GRIN2B: variants seen among roughly 807,000 people sequenced by gnomAD.
GRIN2B encodes glutamate ionotropic receptor NMDA type subunit 2B.
A neutral mutation model predicts 114.5 loss-of-function variants in GRIN2B; 5 were observed. The ratio of observed to expected loss-of-function variants is 0.04; its 90% CI spans 0.02 to 0.09. The LOEUF (loss-of-function observed/expected upper bound fraction) is 0.09, where lower values mean the gene tolerates loss of function less well. GRIN2B is among the 10% of genes least tolerant of loss of function. The pLI, the probability that GRIN2B is intolerant of heterozygous loss-of-function variation, is 1.00. For missense variants in GRIN2B, 1,108 were observed against 1,943.5 expected (o/e 0.57, Z 8.08); for synonymous variants, 787 against 745.1 (o/e 1.06, Z -0.92).
intron 4 of GRIN2B, among the ~76,000 whole-genome samples, chr12:13,736,683 C>A (rs1036892547): frequency 6.6e-6 from 1 of 152,122 alleles, no homozygotes; most frequent in Non-Finnish European, 1.5e-5. Context: ...TAGCTGCCTA[C>A]GTAAGATATT....
intron 3 of GRIN2B, among the ~76,000 whole-genome samples, chr12:13,784,848 G>A (rs1396649310): frequency 6.6e-6 from 1 of 152,204 alleles, no homozygotes; most frequent in Non-Finnish European, 1.5e-5. Context: ...GAGCAAAGAA[G>A]CCTACCAACC....
intron 4 of GRIN2B, among the ~76,000 whole-genome samples, chr12:13,749,910 G>C (rs1162465131): frequency 1.8e-4 from 28 of 152,168 alleles, no homozygotes; most frequent in Admixed American, 1.7e-3. Context: ...AGATGTATTT[G>C]GATGGAGAGG....
intron 3 of GRIN2B, among the ~76,000 whole-genome samples, chr12:13,839,408 C>G (rs1865341605): frequency 6.6e-6 from 1 of 152,150 alleles, no homozygotes; most frequent in Non-Finnish European, 1.5e-5. Flanking sequence ...GAAAGTGGTT[C>G]AATCAGTGAA....
chr12:13,572,211 C>T (rs2136416410), intron 10 of GRIN2B, among the ~76,000 whole-genome samples: 1 of 152,310 alleles, frequency 6.6e-6, no homozygotes, highest in South Asian at 2.1e-4. Flanking sequence ...TTGCCCAACC[C>T]TGACTTTAAT....
intron 2 of GRIN2B, among the ~76,000 whole-genome samples, chr12:13,972,413 ACTCCTAAGACCACCAC>A (rs6144621): frequency 0.21 from 32,066 of 151,768 alleles, 4,437 homozygotes; most frequent in Non-Finnish European, 0.3. Context: ...TAAGCTTCTG[ACTCCTAAGACCACCAC>A]CTCCTAAGAC....
chr12:13,808,972 C>T (rs905981895), intron 3 of GRIN2B, among the ~76,000 whole-genome samples: 9 of 151,928 alleles, frequency 5.9e-5, no homozygotes, highest in Non-Finnish European at 8.8e-5. Context: ...AGCAAAGAAA[C>T]GTAACCAGAG....
At chr12:13,758,998 A>AGTTTTTTTTTTTTTTTTTTTTTTTT (rs771891565) in intron 3 of GRIN2B, among the ~76,000 whole-genome samples, 3 of 85,598 alleles carry the variant, frequency 3.5e-5, no homozygotes, top group African/African-American at 4.9e-5. Flanking sequence ...ATCTAGTTCA[A>AGTTTTTTTTTTTTTTTTTTTTTTTT]TTTTTTTTTT....
At chr12:13,674,802 T>C (rs1452388131) in intron 5 of GRIN2B, among the ~76,000 whole-genome samples, 1 of 152,148 alleles carries the variant, frequency 6.6e-6, no homozygotes, top group Non-Finnish European at 1.5e-5. Context: ...GGAAATTCCA[T>C]TCTAAATAAA....
intron 2 of GRIN2B, among the ~76,000 whole-genome samples, chr12:13,943,622 C>T (rs1054368981): frequency 6.6e-6 from 1 of 152,186 alleles, no homozygotes. Flanking sequence ...TACATTTCTA[C>T]TCCAAGGTCT....
intron 3 of GRIN2B, among the ~76,000 whole-genome samples, chr12:13,837,460 G>A (rs1865293440): frequency 6.6e-6 from 1 of 152,180 alleles, no homozygotes; most frequent in Admixed American, 6.5e-5. Context: ...TGGCCCATTT[G>A]CAGGCTGGCA....
chr12:13,689,882 C>A (rs1371200589), intron 4 of GRIN2B, among the ~76,000 whole-genome samples: 2 of 152,148 alleles, frequency 1.3e-5, no homozygotes, highest in Non-Finnish European at 2.9e-5. Context: ...CATAATCCAA[C>A]TCTTGCTCAT....
intron 5 of GRIN2B, among the ~76,000 whole-genome samples, chr12:13,647,180 G>C (rs977425826): frequency 1.3e-5 from 2 of 152,100 alleles, no homozygotes; most frequent in African/African-American, 4.8e-5. Context: ...CCCAGAAACT[G>C]TGATATAAGA....
chr12:13,963,354 G>A (rs1267161060), intron 2 of GRIN2B, among the ~76,000 whole-genome samples: 1 of 152,110 alleles, frequency 6.6e-6, no homozygotes, highest in Non-Finnish European at 1.5e-5. Flanking sequence ...AACGCACCCA[G>A]CTTCTGCAAT....
At chr12:13,865,019 T>A (rs1865804952) in intron 3 of GRIN2B, among the ~76,000 whole-genome samples, 1 of 152,206 alleles carries the variant, frequency 6.6e-6, no homozygotes, top group Non-Finnish European at 1.5e-5. Flanking sequence ...GATGTGCAGA[T>A]CAATATGTGT....
At chr12:13,847,408 T>C in intron 3 of GRIN2B, among the ~76,000 whole-genome samples, 1 of 152,056 alleles carries the variant, frequency 6.6e-6, no homozygotes, top group Non-Finnish European at 1.5e-5. Flanking sequence ...TGCTAAGTTC[T>C]AACCAACTGA....
At position 13,942,763 on chromosome 12, in the gene GRIN2B, G is replaced by C. The variant is rs550020909; in HGVS notation, c.-19+37165C>G. 2.0e-4 allele frequency among the ~76,000 whole-genome samples: 30 copies of C among 152,206 alleles called. 2 individuals are homozygous for C. The South Asian group carries it at 6.2e-3, about 32-fold the overall frequency. ...TTAGAATACAGTATCTTTCAGTAGA[G>C]ACAATAATCACTTTGAAGGATTCTC... On this transcript the variant is annotated intron_variant, in intron 2 of 13. Transcript: ENST00000609686.
At chr12:13,573,511 A>G (rs561511382) in intron 10 of GRIN2B, among the ~76,000 whole-genome samples, 1 of 136,200 alleles carries the variant, frequency 7.3e-6, no homozygotes, top group African/African-American at 2.8e-5. Flanking sequence ...ATGTTCTCTT[A>G]TATTATTTTT....
Position 13,840,867 on chromosome 12 carries a change from T to C in GRIN2B, c.411+24931A>G, listed in dbSNP as rs1215873343. ...ATTGTTTGTCCTATCATTTTTTACA[T>C]ATTTCTAAAAATATAAGAACTCCTT... is the stretch of plus-strand genomic sequence containing the variant. On this transcript the variant is annotated intron_variant, in intron 3 of 13. Transcript: ENST00000609686. 2.6e-5 allele frequency among the ~76,000 whole-genome samples: 4 copies of C among 152,288 alleles called. No individual in the cohort carries two copies. In the South Asian group the frequency reaches 6.2e-4, roughly 24 times the overall value.
chr12:13,692,698 C>T (rs575141287), intron 4 of GRIN2B, among the ~76,000 whole-genome samples: 3 of 151,120 alleles, frequency 2.0e-5, no homozygotes, highest in South Asian at 2.1e-4. Context: ...TCTGGTTACC[C>T]GAGACCCTGA....
Sources: gnomAD v4.1 joint callset for allele counts (sites outside exome capture counted in the v4.1 genomes callset) on GRCh38, gnomAD v4.1.1 for gene constraint, MANE v1.5 for transcripts, NCBI Gene and HGNC (gene_info 2026-07-23, HGNC 2026-07-21) for gene names.